The following PHF23 variants were observed in gnomAD, a reference collection of about 807,000 sequenced individuals.
The protein encoded by PHF23 is PDH-containing protein JUNE-1.
In PHF23, 3 loss-of-function variants were observed where a neutral mutation model predicts 36.0. The ratio of observed to expected loss-of-function variants is 0.08; its 90% CI spans 0.04 to 0.22. The LOEUF (loss-of-function observed/expected upper bound fraction) is 0.22. PHF23 is among the 10% of genes least tolerant of loss of function. The pLI, the probability that PHF23 is intolerant of heterozygous loss-of-function variation, is 1.00. For synonymous variants in PHF23, 242 were observed against 192.5 expected, an observed-to-expected ratio of 1.26 and a Z score of -2.13; for missense variants, 475 against 513.6, an observed-to-expected ratio of 0.92 and a Z score of 0.73.
intron 1 of PHF23, chr17:7,238,800 C>T (rs763711053): frequency 7.8e-6 from 12 of 1,534,468 alleles, no homozygotes; most frequent in Non-Finnish European, 8.7e-6. Context: ...CCGACAATCA[C>T]CGGGCATTCT....
chr17:7,240,004 G>C (rs890531579), upstream of PHF23: 5 of 152,212 alleles, frequency 3.3e-5, no homozygotes, highest in African/African-American at 1.2e-4. Context: ...CTAGCCAAGT[G>C]ACATGCAACT....
chr17:7,235,574 C>G lies in PHF23; in HGVS notation c.*52G>C. ...GGGATAGGCTGAGGACCCTGAGGCT[C>G]AGTTCCCAAATCATGTTGTCATTTG... On this transcript the variant is annotated 3_prime_UTR_variant, in exon 5 of 5. Transcript: ENST00000320316. 2.5e-6 allele frequency: 4 copies of G among 1,580,848 alleles called. No individual in the cohort carries two copies. In the South Asian group the frequency reaches 4.4e-5, roughly 18 times the overall value.
chr17:7,236,225 A>G lies in PHF23; in HGVS notation c.702T>C (p.Pro234=). ...TGGGGGGTGCCTGGGGAGGCCCAGG[A>G]GGTGGGAGTCTATCCCCCCGTTCTG... is the stretch of plus-strand genomic sequence containing the variant. The part of the protein sequence containing the change: ...KKAERGDRLP[P]PGPPQAPPSD... The change falls in exon 4 of 5, where the codon CCT becomes CCC. Residue 234 remains proline, a synonymous_variant. Coordinates refer to ENST00000320316, the MANE Select transcript of PHF23 (RefSeq NM_024297.3). This position sits in a 1 kb window ranked among gnomAD's most constrained non-coding sequence, Gnocchi z 5.1. 13 of 1,613,212 alleles carry G rather than the reference A, an allele frequency of 8.1e-6. No homozygotes were observed. The highest frequency in any genetic ancestry group is 1.1e-5 in the Non-Finnish European group (13 of 1,179,564).
rs777858099 is a variant in PHF23 at position 7,236,457 on chromosome 17, G to A, written c.470C>T (p.Thr157Ile). The change falls in exon 4 of 5, where the codon ACC (threonine) becomes ATC (isoleucine). Residue 157 changes from threonine (T) to isoleucine (I), a missense_variant. Around this residue, in one of 5 missense-constraint regions of PHF23, gnomAD observed 350 missense variants for 319.8 expected, o/e 1.09. Coordinates refer to ENST00000320316, the MANE Select transcript of PHF23 (RefSeq NM_024297.3). The surrounding 1 kb of genome is among the most constrained non-coding windows in gnomAD (Gnocchi z 5.1). ...GGTAAGAGCAGCAGGGGGCCGGGAG[G>A]TATGTGTCAGGGATGTGGGGGACAA... ...SPLSPTSLTH[T>I]SRPPAALTPV... 1.9e-6 allele frequency: 3 copies of A among 1,613,740 alleles called. No homozygotes were observed.
In PHF23 at chr17:7,238,860, C is replaced by T. The variant is rs1393172024; in HGVS notation, c.34+386G>A. The T allele has an allele frequency of 7.2e-6, 11 of 1,534,190 alleles. No homozygotes were observed. In the African/African-American group the frequency reaches 1.5e-4, roughly 21 times the overall value. ...GGTACCACCGCCACAAACTACCCCACCTCGGCGAACTACCGGGCCCCTCAC... is the reference window on the plus strand; with the variant it reads ...GGTACCACCGCCACAAACTACCCCATCTCGGCGAACTACCGGGCCCCTCAC... On this transcript the variant is annotated intron_variant, in intron 1 of 4. Transcript: ENST00000320316.
In PHF23 at chr17:7,237,292, C is replaced by T. The variant is rs148834333; in HGVS notation, c.159+93G>A. 1.5e-3 allele frequency: 1,650 copies of T among 1,121,942 alleles called. 15 individuals carry two copies. The highest frequency in any genetic ancestry group is 0.012 in the South Asian group (807 of 69,002). 69.5% of individuals were successfully genotyped at this position (1,121,942 alleles called of 1,614,324 possible). A position where few individuals can be genotyped will look rare whatever the true frequency, so the allele number is the denominator to read the frequency against. Reference sequence around the variant, plus strand: ...GGTCTTACATATAATTTCTAAGGGCCTCCTTCTATAAAGCAATACAGTTCT... The same window carrying T: ...GGTCTTACATATAATTTCTAAGGGCTTCCTTCTATAAAGCAATACAGTTCT... On this transcript the variant is annotated intron_variant, in intron 3 of 4. Transcript: ENST00000320316.
At chr17:7,238,772 A>G in intron 1 of PHF23, 1 of 1,520,900 alleles carries the variant, frequency 6.6e-7, no homozygotes, top group Non-Finnish European at 8.8e-7. Flanking sequence ...TTCTCCCCAC[A>G]ACTACCTGCC....
Position 7,236,162 on chromosome 17 carries a change from TTCC to T in PHF23, c.762_764del (p.Glu261del), listed in dbSNP as rs763912856. ...TTGCCATCTCTTCTTCTTCTTCCTC[TTCC>T]TCCTCTTCCTCCTCCTCTTCAGAGT... On this transcript the variant is annotated inframe_deletion, in exon 4 of 5. Transcript: ENST00000320316. The surrounding 1 kb of genome is among the most constrained non-coding windows in gnomAD (Gnocchi z 5.1). The T allele has an allele frequency of 4.4e-6, 7 of 1,608,360 alleles. No individual in the cohort carries two copies. The highest frequency in any genetic ancestry group is 2.2e-5 in the East Asian group (1 of 44,736).
Position 7,236,791 on chromosome 17 carries a change from G to C in PHF23, c.160-24C>G. The stretch of plus-strand genomic sequence containing the variant: ...TCCTTAAAAGGGGGAAGAGACCAGG[G>C]TCAGCAGAACCCCAGTGTCATCTCA... On this transcript the variant is annotated intron_variant, in intron 3 of 4. Coordinates refer to ENST00000320316, the MANE Select transcript of PHF23 (RefSeq NM_024297.3). The surrounding 1 kb of genome is among the most constrained non-coding windows in gnomAD (Gnocchi z 5.1). 6.3e-7 allele frequency: 1 copy of C among 1,587,818 alleles called. No individual in the cohort carries two copies. The highest frequency in any genetic ancestry group is 8.6e-7 in the Non-Finnish European group (1 of 1,167,978).
chr17:7,240,300 T>C (rs895922256), upstream of PHF23: 2 of 152,978 alleles, frequency 1.3e-5, no homozygotes, highest in African/African-American at 4.8e-5. Context: ...AACCAAAATA[T>C]ACTTCTATCC....
chr17:7,237,169 C>G (rs1010966130), intron 3 of PHF23, among the ~76,000 whole-genome samples: 5 of 152,158 alleles, frequency 3.3e-5, no homozygotes, highest in African/African-American at 7.2e-5. Flanking sequence ...ACTCCAAATC[C>G]CCCTTCCTTT....
In PHF23 at chr17:7,235,415, C is replaced by T. The variant is rs2071636582; in HGVS notation, c.*211G>A. 2.6e-5 allele frequency: 15 copies of T among 586,632 alleles called. No individual in the cohort carries two copies. The South Asian group carries it at 3.0e-4, about 12-fold the overall frequency. The allele number at this position is 586,632 out of a possible 1,614,324, so 36.3% of individuals were successfully genotyped here. On this transcript the variant is annotated 3_prime_UTR_variant, in exon 5 of 5. Transcript: ENST00000320316. ...TCGGGACACAGACAGCCTCCCATCC[C>T]CAACCGTAATGGATTCAATTTCAAG...
rs767913478 is a variant in PHF23 at position 7,238,785 on chromosome 17, C to T, written c.34+461G>A. 37 of 1,534,820 alleles carry T rather than the reference C, an allele frequency of 2.4e-5. No individual in the cohort carries two copies. The South Asian group carries it at 3.9e-4, about 16-fold the overall frequency. On this transcript the variant is annotated intron_variant, in intron 1 of 4. Coordinates refer to ENST00000320316, the MANE Select transcript of PHF23 (RefSeq NM_024297.3). ...TCTTCTCCCCACAACTACCTGCCCACCTCTCCGACAATCACCGGGCATTCT... is the reference window on the plus strand; with the variant it reads ...TCTTCTCCCCACAACTACCTGCCCATCTCTCCGACAATCACCGGGCATTCT...
intron 1 of PHF23, chr17:7,239,001 C>A (rs1357450992): frequency 2.8e-6 from 4 of 1,452,782 alleles, no homozygotes; most frequent in Non-Finnish European, 3.6e-6. Flanking sequence ...ACCCCCGAGG[C>A]TCCGGGTTTC....
At position 7,239,329 on chromosome 17, in the gene PHF23, A is replaced by G. The variant is rs779935911; in HGVS notation, c.-50T>C. 3.5e-6 allele frequency: 3 copies of G among 867,680 alleles called. No homozygotes were observed. The highest frequency in any genetic ancestry group is 3.3e-5 in the East Asian group (1 of 30,750). 53.7% of individuals were successfully genotyped at this position (867,680 alleles called of 1,614,324 possible). A position where few individuals can be genotyped will look rare whatever the true frequency, so the allele number is the denominator to read the frequency against. ...GGCGCCCCCCTCCCCGGAGCCGGGGATCCCGGTGCCGCCTCTAGTGCTCGA... is the reference window on the plus strand; with the variant it reads ...GGCGCCCCCCTCCCCGGAGCCGGGGGTCCCGGTGCCGCCTCTAGTGCTCGA... On this transcript the variant is annotated 5_prime_UTR_variant, in exon 1 of 5. Coordinates refer to ENST00000320316, the MANE Select transcript of PHF23 (RefSeq NM_024297.3).
chr17:7,236,460 T>C lies in PHF23; in HGVS notation c.467A>G (p.His156Arg), dbSNP rs1177425453. Residue 156 changes from histidine to arginine, a missense_variant, in exon 4 of 5, where the codon CAT becomes CGT. Coordinates refer to ENST00000320316, the MANE Select transcript of PHF23 (RefSeq NM_024297.3). This position sits in a 1 kb window ranked among gnomAD's most constrained non-coding sequence, Gnocchi z 5.1. ...AAGAGCAGCAGGGGGCCGGGAGGTA[T>C]GTGTCAGGGATGTGGGGGACAAAGG... is the stretch of plus-strand genomic sequence containing the variant. Reference protein sequence around the residue: ...ASPLSPTSLTHTSRPPAALTP... With the variant: ...ASPLSPTSLTRTSRPPAALTP... The C allele has an allele frequency of 6.2e-7, 1 of 1,613,700 alleles. No individual in the cohort carries two copies. The highest frequency in any genetic ancestry group is 8.5e-7 in the Non-Finnish European group (1 of 1,179,944).
At chr17:7,237,573 G>A in intron 2 of PHF23, 56 bp downstream of exon 2, 1 of 1,608,312 alleles carries the variant, frequency 6.2e-7, no homozygotes, top group Admixed American at 1.7e-5. Context: ...AGAAAAGGGG[G>A]GCGGGGGGCG....
At chr17:7,239,149 T>A (rs2071743001) in intron 1 of PHF23, 97 bp downstream of exon 1, 4 of 1,004,304 alleles carry the variant, frequency 4.0e-6, no homozygotes, top group South Asian at 3.0e-5. Flanking sequence ...CTCCCCGAAC[T>A]CCCCCGCTGG....
In PHF23 at chr17:7,236,394, G is replaced by A; in HGVS notation, c.533C>T (p.Pro178Leu). ...TCGGTTCTTTCGGTCCTTCTTTCGA[G>A]GAGGATGGGAGAGGTCCCCCTGGGA... Reference protein sequence around the residue: ...PLSQGDLSHPPRKKDRKNRKL... With the variant: ...PLSQGDLSHPLRKKDRKNRKL... Residue 178 changes from proline (P) to leucine (L), a missense_variant, in exon 4 of 5, where the codon CCT becomes CTT. Physicochemically the swap from Pro to Leu is moderately conservative, Grantham distance 98. Coordinates refer to ENST00000320316, the MANE Select transcript of PHF23 (RefSeq NM_024297.3). The surrounding 1 kb of genome is among the most constrained non-coding windows in gnomAD (Gnocchi z 5.1). 6.2e-7 allele frequency: 1 copy of A among 1,614,022 alleles called. No individual in the cohort carries two copies. Among genetic ancestry groups the A allele is most frequent in the Non-Finnish European group, 8.5e-7 (1 of 1,180,032 alleles).
Sources: gnomAD v4.1 joint callset for allele counts (sites outside exome capture counted in the v4.1 genomes callset) on GRCh38, gnomAD v4.1.1 for gene constraint, gnomAD v4.1.1 regional missense constraint, Gnocchi (gnomAD v3.1) non-coding constraint, MANE v1.5 for transcripts, NCBI Gene and HGNC (gene_info 2026-07-23, HGNC 2026-07-21) for gene names.